SLAIN1: variants seen among roughly 807,000 people sequenced by gnomAD.
The protein encoded by SLAIN1 is SLAIN motif-containing protein 1.
SLAIN1 carries 17 observed loss-of-function variants against 55.4 expected under a neutral mutation model. The ratio of observed to expected loss-of-function variants is 0.31; its 90% CI spans 0.21 to 0.46. The LOEUF (loss-of-function observed/expected upper bound fraction) is 0.46. Ranked by LOEUF, SLAIN1 falls within the 20% of genes least tolerant of loss-of-function variation. The pLI, the probability that SLAIN1 is intolerant of heterozygous loss-of-function variation, is 1.00. For synonymous variants in SLAIN1, 348 were observed against 337.4 expected, an observed-to-expected ratio of 1.03 and a Z score of -0.35; for missense variants, 682 against 785.1, an observed-to-expected ratio of 0.87 and a Z score of 1.57.
chr13:77,737,794 C>A (rs1271581054), intron 2 of SLAIN1, among the ~76,000 whole-genome samples: 2 of 151,458 alleles, frequency 1.3e-5, no homozygotes, highest in Non-Finnish European at 2.9e-5. Context: ...ACTGCACTTA[C>A]AATATGACAT....
chr13:77,725,034 G>A (rs543399302), intron 2 of SLAIN1, among the ~76,000 whole-genome samples: 1 of 152,276 alleles, frequency 6.6e-6, no homozygotes, highest in East Asian at 1.9e-4. Context: ...AAGGGTACCT[G>A]ACACAAAATA....
chr13:77,723,507 C>T (rs989050838), intron 2 of SLAIN1, among the ~76,000 whole-genome samples: 12 of 152,076 alleles, frequency 7.9e-5, no homozygotes, highest in African/African-American at 2.7e-4. Flanking sequence ...CCTACTTTCA[C>T]TCTTATGCAG....
chr13:77,711,471 CT>C lies in SLAIN1; in HGVS notation c.627-8060del, dbSNP rs1171446461. ...CCTCTATGAAAATAAACTAGGAAATCTAGAAGAAATGGATCAATTTCTGGAC... is the reference window on the plus strand; with the variant it reads ...CCTCTATGAAAATAAACTAGGAAATCAGAAGAAATGGATCAATTTCTGGAC... On this transcript the variant is annotated intron_variant, in intron 1 of 6. Transcript: ENST00000418532. Among the ~76,000 whole-genome samples, 4 of 152,156 alleles carry C rather than the reference CT, an allele frequency of 2.6e-5. No homozygotes were observed. In the East Asian group the frequency reaches 7.7e-4, roughly 29 times the overall value.
chr13:77,737,324 A>G (rs1873171789), intron 2 of SLAIN1, among the ~76,000 whole-genome samples: 1 of 151,976 alleles, frequency 6.6e-6, no homozygotes, highest in Non-Finnish European at 1.5e-5. Flanking sequence ...TCTATTTACA[A>G]GCCTCTTAAC....
chr13:77,702,852 G>A (rs183767783), intron 1 of SLAIN1, among the ~76,000 whole-genome samples: 1 of 152,218 alleles, frequency 6.6e-6, no homozygotes, highest in African/African-American at 2.4e-5. Context: ...ATAATACAAT[G>A]CTTGCTTTGA....
intron 4 of SLAIN1, among the ~76,000 whole-genome samples, chr13:77,752,677 G>C (rs1209053055): frequency 6.6e-6 from 1 of 152,192 alleles, no homozygotes; most frequent in East Asian, 1.9e-4. Flanking sequence ...CCTTCAGTCT[G>C]TGGCCAAAGG....
At position 77,746,415 on chromosome 13, in the gene SLAIN1, G is replaced by A. The variant is rs928268385; in HGVS notation, c.917-99G>A. ...AGAACAAGATAATAAGTCTCTGTGAGTAATTTATTTGGCACAATTTTTCAT... is the reference window on the plus strand; with the variant it reads ...AGAACAAGATAATAAGTCTCTGTGAATAATTTATTTGGCACAATTTTTCAT... On this transcript the variant is annotated intron_variant, in intron 3 of 6. Transcript: ENST00000418532. The A allele has an allele frequency of 8.0e-6, 8 of 998,454 alleles. No individual in the cohort carries two copies. The African/African-American group carries it at 9.8e-5, about 12-fold the overall frequency. The allele number at this position is 998,454 out of a possible 1,614,324, so 61.8% of individuals were successfully genotyped here.
chr13:77,749,483 C>G (rs1342648417), intron 4 of SLAIN1, among the ~76,000 whole-genome samples: 2 of 152,122 alleles, frequency 1.3e-5, no homozygotes, highest in Non-Finnish European at 2.9e-5. Context: ...CTAGATCTAG[C>G]TGTTTGGTGG....
At chr13:77,757,689 C>G (rs889664296) in intron 5 of SLAIN1, among the ~76,000 whole-genome samples, 1 of 152,180 alleles carries the variant, frequency 6.6e-6, no homozygotes, top group African/African-American at 2.4e-5. Context: ...ACGATATTTA[C>G]TTTTCCACTC....
intron 4 of SLAIN1, 41 bp from the exon 5 acceptor site, chr13:77,753,162 A>C (rs1315253031): frequency 6.5e-7 from 1 of 1,532,752 alleles, no homozygotes; most frequent in South Asian, 1.3e-5. Flanking sequence ...CTTTGGTTGC[A>C]TAACATCTGT....
intron 2 of SLAIN1, chr13:77,742,864 T>C: frequency 4.5e-6 from 1 of 222,914 alleles, no homozygotes; most frequent in Non-Finnish European, 8.2e-6. Context: ...TGTATATATT[T>C]TTTATTTAGA....
intron 2 of SLAIN1, among the ~76,000 whole-genome samples, chr13:77,723,705 T>G (rs1045762999): frequency 1.3e-5 from 2 of 152,190 alleles, no homozygotes; most frequent in Admixed American, 6.5e-5. Context: ...TTGTCTTTTA[T>G]TCTTGGTATT....
At chr13:77,745,791 T>A (rs140220919) in intron 3 of SLAIN1, among the ~76,000 whole-genome samples, 186 of 152,278 alleles carry the variant, frequency 1.2e-3, no homozygotes, top group African/African-American at 4.3e-3. Flanking sequence ...TAAATACTCT[T>A]TCTAAAAATA....
chr13:77,708,975 G>C (rs902792396), intron 1 of SLAIN1, among the ~76,000 whole-genome samples: 1 of 151,960 alleles, frequency 6.6e-6, no homozygotes, highest in Non-Finnish European at 1.5e-5. Context: ...CCGAGCTAAA[G>C]GAGCATGTTC....
At chr13:77,717,671 C>T (rs997048911) in intron 1 of SLAIN1, among the ~76,000 whole-genome samples, 1 of 152,082 alleles carries the variant, frequency 6.6e-6, no homozygotes, top group East Asian at 1.9e-4. Context: ...GGGCGTGGGC[C>T]TAAACCAGTC....
intron 2 of SLAIN1, among the ~76,000 whole-genome samples, chr13:77,727,770 G>T (rs2091321823): frequency 6.6e-6 from 1 of 152,212 alleles, no homozygotes; most frequent in Admixed American, 6.5e-5. Flanking sequence ...TGCCTAGTAA[G>T]TGGGGACATT....
intron 3 of SLAIN1, among the ~76,000 whole-genome samples, chr13:77,745,015 A>T (rs1873717044): frequency 6.6e-6 from 1 of 152,028 alleles, no homozygotes; most frequent in South Asian, 2.1e-4. Flanking sequence ...CACACATATA[A>T]CATTTTGAGA....
chr13:77,713,717 C>T (rs1352218216), intron 1 of SLAIN1, among the ~76,000 whole-genome samples: 2 of 152,158 alleles, frequency 1.3e-5, no homozygotes, highest in African/African-American at 4.8e-5. Flanking sequence ...AAGACACATG[C>T]ACACGTATGT....
At chr13:77,761,325 C>A (rs1875003910) in intron 6 of SLAIN1, among the ~76,000 whole-genome samples, 1 of 152,200 alleles carries the variant, frequency 6.6e-6, no homozygotes, top group South Asian at 2.1e-4. Flanking sequence ...ACTCCCTCAT[C>A]ACTATCACTC....
Sources: allele counts gnomAD v4.1 joint callset (sites outside exome capture counted in the v4.1 genomes callset), GRCh38; gene constraint gnomAD v4.1.1; transcripts MANE v1.5; gene names NCBI Gene and HGNC (gene_info 2026-07-23, HGNC 2026-07-21).